KMT2C: variants seen among roughly 807,000 people sequenced by gnomAD.
KMT2C encodes the protein lysine methyltransferase 2C.
KMT2C carries 88 observed loss-of-function variants against 507.9 expected under a neutral mutation model. The ratio of observed to expected loss-of-function variants is 0.17; its 90% CI spans 0.15 to 0.21. KMT2C has a LOEUF of 0.21. Ranked by LOEUF, KMT2C falls within the 10% of genes least tolerant of loss-of-function variation. The probability of loss-of-function intolerance (pLI) is 1.00; values close to 1 mark genes in which losing one functional copy is unlikely to be tolerated. For missense variants in KMT2C, 4,954 were observed against 5,957.8 expected, an observed-to-expected ratio of 0.83 and a Z score of 5.55; for synonymous variants, 2,049 against 2,080.8, an observed-to-expected ratio of 0.98 and a Z score of 0.42.
rs190147548 is a variant in KMT2C at position 152,144,599 on chromosome 7, C to A, written c.14343+114G>T. On this transcript the variant is annotated intron_variant, in intron 55 of 58. Coordinates refer to ENST00000262189, the MANE Select transcript of KMT2C (RefSeq NM_170606.3). This position sits in a 1 kb window ranked among gnomAD's most constrained non-coding sequence, Gnocchi z 4.4. ...AGGATTTGATACGATTTTGAAAACA[C>A]GTTTCTGTCCCTGCAGCTATGTGAA... 1 of 1,032,058 alleles carries A rather than the reference C, an allele frequency of 9.7e-7. No homozygotes were observed. The highest frequency in any genetic ancestry group is 1.6e-5 in the South Asian group (1 of 64,400). The allele number at this position is 1,032,058 out of a possible 1,614,324, so 63.9% of individuals were successfully genotyped here.
At chr7:152,230,146 T>C in intron 17 of KMT2C, 74 bp downstream of exon 17, 1 of 1,043,900 alleles carries the variant, frequency 9.6e-7, no homozygotes, top group African/African-American at 1.6e-5. Context: ...GAATGACTTC[T>C]GTGTATATGA....
chr7:152,316,156 T>G (rs1937252060), intron 3 of KMT2C, among the ~76,000 whole-genome samples: 2 of 152,108 alleles, frequency 1.3e-5, no homozygotes. Context: ...AGAGCTGAAC[T>G]GGAAGAAGGA....
chr7:152,306,018 C>T (rs895539039), intron 6 of KMT2C, among the ~76,000 whole-genome samples: 1 of 152,148 alleles, frequency 6.6e-6, no homozygotes, highest in African/African-American at 2.4e-5. Flanking sequence ...TACATATGCA[C>T]ACATCTATAT....
Position 152,178,024 on chromosome 7 carries a change from A to ATT in KMT2C, c.7443-15_7443-14insAA, listed in dbSNP as rs1563265973. ...GGAAATCCAAATCTTTTAAAAAAAAAAAAAAAAAAAAAAAAAAAGCAAATA... is the reference window on the plus strand; with the variant it reads ...GGAAATCCAAATCTTTTAAAAAAAAATTAAAAAAAAAAAAAAAAAAGCAAATA... On this transcript the variant is annotated splice_polypyrimidine_tract_variant and intron_variant, in intron 37 of 58. Coordinates refer to ENST00000262189, the MANE Select transcript of KMT2C (RefSeq NM_170606.3). The ATT allele has an allele frequency of 1.5e-6, 2 of 1,372,900 alleles. No homozygotes were observed. Among genetic ancestry groups the ATT allele is most frequent in the African/African-American group, 3.5e-5 (2 of 57,064 alleles). 85.0% of individuals were successfully genotyped at this position (1,372,900 alleles called of 1,614,324 possible).
chr7:152,223,773 C>G (rs1368922557), intron 20 of KMT2C, among the ~76,000 whole-genome samples: 1 of 152,032 alleles, frequency 6.6e-6, no homozygotes, highest in African/African-American at 2.4e-5. Flanking sequence ...GCACTCCAGC[C>G]TGGTGACAGA....
chr7:152,174,408 C>G (rs542046859), intron 38 of KMT2C, among the ~76,000 whole-genome samples, 166 bp from the exon 39 acceptor site: 2 of 152,262 alleles, frequency 1.3e-5, no homozygotes, highest in Admixed American at 1.3e-4. Context: ...TAGTCCTTAA[C>G]TGAATCATGC....
chr7:152,355,980 A>G (rs2097148101), intron 2 of KMT2C, among the ~76,000 whole-genome samples: 1 of 152,118 alleles, frequency 6.6e-6, no homozygotes, highest in Admixed American at 6.5e-5. Flanking sequence ...GCAGAAAAGC[A>G]AGGACAACTG....
At chr7:152,194,696 G>T in intron 28 of KMT2C, 128 bp from the exon 29 acceptor site, 2 of 603,406 alleles carry the variant, frequency 3.3e-6, no homozygotes, top group Non-Finnish European at 5.3e-6. Flanking sequence ...CTGTAATTCT[G>T]AATCAGAATT....
chr7:152,427,477 A>C (rs924867159), intron 1 of KMT2C, among the ~76,000 whole-genome samples: 2 of 152,190 alleles, frequency 1.3e-5, no homozygotes, highest in African/African-American at 4.8e-5. Flanking sequence ...TGTATCATAG[A>C]CATTCTCCCA....
intron 2 of KMT2C, among the ~76,000 whole-genome samples, chr7:152,334,177 C>T (rs918655929): frequency 1.3e-5 from 2 of 152,116 alleles, no homozygotes; most frequent in Admixed American, 6.5e-5. Context: ...ACAAAGGGGC[C>T]GGGTGCGGTG....
At chr7:152,327,874 C>T (rs1487920292) in intron 3 of KMT2C, among the ~76,000 whole-genome samples, 1 of 148,096 alleles carries the variant, frequency 6.8e-6, no homozygotes, top group East Asian at 2.0e-4. Flanking sequence ...AGAAGAATGG[C>T]GTGAACCCAG....
At chr7:152,201,287 G>GACACAGACACAC (rs2094129363) in intron 26 of KMT2C, among the ~76,000 whole-genome samples, 1 of 123,134 alleles carries the variant, frequency 8.1e-6, no homozygotes, top group Admixed American at 8.1e-5. Flanking sequence ...CACACATACA[G>GACACAGACACAC]ACACAGACAC....
At chr7:152,230,881 G>A (rs1392198845) in intron 16 of KMT2C, among the ~76,000 whole-genome samples, 3 of 152,082 alleles carry the variant, frequency 2.0e-5, no homozygotes, top group African/African-American at 7.2e-5. Context: ...GTAATGGCGC[G>A]ATCTCGGCTC....
chr7:152,141,044 A>G (rs910234929), intron 55 of KMT2C, among the ~76,000 whole-genome samples: 1 of 152,234 alleles, frequency 6.6e-6, no homozygotes, highest in African/African-American at 2.4e-5. Context: ...GTTCAAGACC[A>G]GCCTGGCCAA....
At chr7:152,226,733 CA>C (rs986987434) in intron 18 of KMT2C, among the ~76,000 whole-genome samples, 3 of 152,018 alleles carry the variant, frequency 2.0e-5, no homozygotes, top group African/African-American at 7.3e-5. Flanking sequence ...AGAGAGTAAA[CA>C]GAAAGTTTTG....
intron 1 of KMT2C, among the ~76,000 whole-genome samples, chr7:152,359,521 G>A (rs2097178879): frequency 6.6e-6 from 1 of 152,140 alleles, no homozygotes. Flanking sequence ...TGTAACCCCA[G>A]CACTTTGGAG....
intron 1 of KMT2C, among the ~76,000 whole-genome samples, chr7:152,397,803 C>T (rs1180261432): frequency 6.6e-6 from 1 of 152,148 alleles, no homozygotes; most frequent in East Asian, 1.9e-4. Context: ...TTGGTACTCA[C>T]TCTCTCTTGC....
intron 6 of KMT2C, among the ~76,000 whole-genome samples, chr7:152,304,516 A>G (rs1362869492): frequency 6.6e-6 from 1 of 152,216 alleles, no homozygotes; most frequent in Non-Finnish European, 1.5e-5. Flanking sequence ...ATCAATATAA[A>G]TAGTTCAAAA....
At chr7:152,140,288 G>GA (rs2090390975) in intron 55 of KMT2C, among the ~76,000 whole-genome samples, 1 of 152,206 alleles carries the variant, frequency 6.6e-6, no homozygotes, top group African/African-American at 2.4e-5. Flanking sequence ...GCAGACACAG[G>GA]AAACGTCACT....
Sources: allele counts gnomAD v4.1 joint callset (sites outside exome capture counted in the v4.1 genomes callset), GRCh38; gene constraint gnomAD v4.1.1; non-coding constraint Gnocchi (gnomAD v3.1); transcripts MANE v1.5; gene names NCBI Gene and HGNC (gene_info 2026-07-23, HGNC 2026-07-21).